Variants in SYT16 observed in about 807,000 individuals in gnomAD.
The protein encoded by SYT16 is synaptotagmin-16.
A neutral mutation model predicts 61.4 loss-of-function variants in SYT16; 42 were observed. That is an observed-to-expected ratio of 0.68 (90% confidence interval 0.53 to 0.89). The LOEUF is 0.89. Among genes scored for constraint, SYT16 ranks in the 40% least tolerant of loss-of-function variants. The probability of loss-of-function intolerance (pLI) is 0.00; values close to 1 mark genes in which losing one functional copy is unlikely to be tolerated. For synonymous variants in SYT16, 314 were observed against 302.3 expected, an observed-to-expected ratio of 1.04 and a Z score of -0.40; for missense variants, 804 against 807.3, an observed-to-expected ratio of 1.00 and a Z score of 0.05.
chr14:61,818,242 A>T (rs904659998), intron 1 of SYT16, among the ~76,000 whole-genome samples: 1 of 152,144 alleles, frequency 6.6e-6, no homozygotes, highest in Non-Finnish European at 1.5e-5. Context: ...TGTTGCATCC[A>T]TCTCCACCTC....
chr14:61,940,481 A>G (rs2050164753), intron 1 of SYT16, among the ~76,000 whole-genome samples: 1 of 152,210 alleles, frequency 6.6e-6, no homozygotes, highest in Non-Finnish European at 1.5e-5. Flanking sequence ...GTCTTGAGCC[A>G]GACTGCCAGG....
chr14:62,000,808 C>T (rs1375812575), intron 3 of SYT16, among the ~76,000 whole-genome samples: 3 of 151,994 alleles, frequency 2.0e-5, no homozygotes, highest in Admixed American at 2.0e-4. Flanking sequence ...GATGATGTTG[C>T]AACAGTATAC....
intron 1 of SYT16, chr14:61,865,307 G>A: frequency 2.7e-6 from 2 of 735,220 alleles, no homozygotes; most frequent in South Asian, 2.9e-5. Context: ...TCTGAACGCA[G>A]GGATGCGGAG....
chr14:62,033,673 G>GA (rs1225697538), intron 3 of SYT16, among the ~76,000 whole-genome samples: 1 of 139,286 alleles, frequency 7.2e-6, no homozygotes, highest in Non-Finnish European at 1.6e-5. Context: ...AATATCCAAT[G>GA]AAAAAACAGC....
intron 3 of SYT16, among the ~76,000 whole-genome samples, chr14:62,033,738 TAAAAC>T (rs2054397227): frequency 6.6e-6 from 1 of 152,100 alleles, no homozygotes; most frequent in Non-Finnish European, 1.5e-5. Flanking sequence ...ATGTAAAAGT[TAAAAC>T]AATAAAACTT....
intron 1 of SYT16, among the ~76,000 whole-genome samples, chr14:61,857,907 A>G (rs978423426): frequency 1.3e-5 from 2 of 151,962 alleles, no homozygotes; most frequent in African/African-American, 2.4e-5. Context: ...TGTCATTTTG[A>G]CAGGGGGAAA....
At chr14:61,947,132 C>T (rs1015267474) in intron 1 of SYT16, among the ~76,000 whole-genome samples, 1 of 152,040 alleles carries the variant, frequency 6.6e-6, no homozygotes, top group African/African-American at 2.4e-5. Context: ...GTAAGATGGT[C>T]TCAGGGAGAA....
intron 3 of SYT16, among the ~76,000 whole-genome samples, chr14:62,015,510 T>C (rs2053635803): frequency 8.8e-6 from 1 of 113,816 alleles, no homozygotes; most frequent in South Asian, 2.8e-4. Context: ...TAATGAGGAC[T>C]TAAAAAACAA....
chr14:62,067,009 G>A lies in SYT16; in HGVS notation c.524-2594G>A, dbSNP rs111510265. On this transcript the variant is annotated intron_variant, in intron 3 of 7. Transcript: ENST00000683842. ...GGAAGGACTTTCTGGAAGAAGTGAT[G>A]TCTAAGCTGAGACCTCAATGATGAG... 4.9e-3 allele frequency among the ~76,000 whole-genome samples: 743 copies of A among 152,272 alleles called. 11 individuals carry two copies. The highest frequency in any genetic ancestry group is 0.017 in the African/African-American group (709 of 41,554).
At chr14:62,059,584 A>T (rs2055724031) in intron 3 of SYT16, among the ~76,000 whole-genome samples, 1 of 151,308 alleles carries the variant, frequency 6.6e-6, no homozygotes, top group African/African-American at 2.4e-5. Flanking sequence ...GTCACAAAAG[A>T]TTGCTCTGAA....
chr14:62,067,477 A>C lies in SYT16; in HGVS notation c.524-2126A>C, dbSNP rs143232285. ...AGTCAAAGAGCTCAACAGGAGGAAC[A>C]ATCTCGGCCTGTTGGAGAAACTGAA... On this transcript the variant is annotated intron_variant, in intron 3 of 7. Coordinates refer to ENST00000683842, the MANE Select transcript of SYT16 (RefSeq NM_001367656.1). Among the ~76,000 whole-genome samples the C allele has an allele frequency of 3.5e-4, 53 of 152,276 alleles. No homozygotes were observed. The East Asian group carries it at 8.9e-3, about 26-fold the overall frequency.
chr14:61,980,247 C>G (rs1158689924), intron 2 of SYT16, among the ~76,000 whole-genome samples: 1 of 152,132 alleles, frequency 6.6e-6, no homozygotes, highest in Admixed American at 6.5e-5. Context: ...ATACATTTCT[C>G]TCACTATGGG....
At chr14:62,092,696 C>T (rs1480205635) in intron 7 of SYT16, among the ~76,000 whole-genome samples, 1 of 151,314 alleles carries the variant, frequency 6.6e-6, no homozygotes, top group Non-Finnish European at 1.5e-5. Context: ...TCATAAAAGC[C>T]AGTAGAATGG....
intron 3 of SYT16, among the ~76,000 whole-genome samples, chr14:62,010,983 G>C (rs2053423871): frequency 6.6e-6 from 1 of 152,130 alleles, no homozygotes; most frequent in Admixed American, 6.5e-5. Flanking sequence ...TGCTAAATCA[G>C]TTTGTACATG....
At chr14:61,833,767 G>A (rs2046025198) in intron 1 of SYT16, among the ~76,000 whole-genome samples, 1 of 143,840 alleles carries the variant, frequency 7.0e-6, no homozygotes, top group Non-Finnish European at 1.5e-5. Flanking sequence ...GCACTCAGCA[G>A]CTTCCTCGCT....
intron 3 of SYT16, among the ~76,000 whole-genome samples, chr14:62,063,482 A>G (rs35754506): frequency 0.17 from 26,474 of 152,126 alleles, 3,006 homozygotes; most frequent in African/African-American, 0.31. Flanking sequence ...AAATGAGGAC[A>G]CTGAAGTTTA....
intron 1 of SYT16, among the ~76,000 whole-genome samples, chr14:61,950,576 G>T (rs548946788): frequency 6.6e-6 from 1 of 152,320 alleles, no homozygotes; most frequent in Non-Finnish European, 1.5e-5. Context: ...ATTTTCTAAT[G>T]TGTCACAATA....
chr14:61,890,540 A>G (rs1320316764), intron 1 of SYT16, among the ~76,000 whole-genome samples: 1 of 151,742 alleles, frequency 6.6e-6, no homozygotes, highest in Non-Finnish European at 1.5e-5. Context: ...CTTCTATAGA[A>G]CAAACAATTT....
intron 5 of SYT16, among the ~76,000 whole-genome samples, chr14:62,080,571 A>G (rs2056671014): frequency 1.3e-5 from 2 of 152,208 alleles, no homozygotes. Flanking sequence ...GTATATATGA[A>G]AACACTTTGC....
Sources: allele counts gnomAD v4.1 joint callset (sites outside exome capture counted in the v4.1 genomes callset), GRCh38; gene constraint gnomAD v4.1.1; transcripts MANE v1.5; gene names NCBI Gene and HGNC (gene_info 2026-07-23, HGNC 2026-07-21).